The following MTARC2 variants were observed in gnomAD, a reference collection of about 807,000 sequenced individuals.
MTARC2 encodes the protein MOCO sulphurase C-terminal domain containing 2.
A neutral mutation model predicts 35.6 loss-of-function variants in MTARC2; 27 were observed. The observed-to-expected ratio is 0.76, with a 90% CI of 0.56 to 1.04. The LOEUF is 1.04. Among genes scored for constraint, MTARC2 ranks in the 50% least tolerant of loss-of-function variants. The pLI is 0.00. For synonymous variants in MTARC2, 158 were observed against 167.1 expected (o/e 0.95, Z 0.42); for missense variants, 412 against 432.5 (o/e 0.95, Z 0.42).
At chr1:220,774,086 G>T (rs1218729520) in intron 4 of MTARC2, among the ~76,000 whole-genome samples, 6 of 144,080 alleles carry the variant, frequency 4.2e-5, no homozygotes, top group African/African-American at 7.8e-5. Flanking sequence ...TTTTTTTTCA[G>T]ACAGGGTCTC....
In MTARC2 at chr1:220,748,440, C is replaced by A. The variant is rs1182982386; in HGVS notation, c.-92C>A. On this transcript the variant is annotated 5_prime_UTR_variant, in exon 1 of 8. Coordinates refer to ENST00000366913, the MANE Select transcript of MTARC2 (RefSeq NM_017898.5). ...TAGTTGGGTCAACTTTGACTCCTCT[C>A]GCCTGCCCGGATCCTTAAGGGCCTC... is the stretch of plus-strand genomic sequence containing the variant. The A allele has an allele frequency of 1.6e-6, 2 of 1,266,668 alleles. No individual in the cohort carries two copies. Among genetic ancestry groups the A allele is most frequent in the Non-Finnish European group, 2.0e-6 (2 of 996,938 alleles). The allele number at this position is 1,266,668 out of a possible 1,614,324, so 78.5% of individuals were successfully genotyped here. A position where few individuals can be genotyped will look rare whatever the true frequency, so the allele number is the denominator to read the frequency against.
intron 4 of MTARC2, among the ~76,000 whole-genome samples, chr1:220,777,488 T>C (rs1455843099): frequency 1.3e-5 from 2 of 152,192 alleles, no homozygotes; most frequent in Non-Finnish European, 2.9e-5. Flanking sequence ...AGACCTCTTA[T>C]GCCTCCTGCC....
At chr1:220,749,427 CTTTTTT>C (rs60380640) in intron 1 of MTARC2, among the ~76,000 whole-genome samples, 2 of 98,702 alleles carry the variant, frequency 2.0e-5, no homozygotes, top group African/African-American at 4.1e-5. Flanking sequence ...ATGCCTTCTT[CTTTTTT>C]TTTTTTTTTT....
chr1:220,772,345 A>T (rs1435843462), intron 4 of MTARC2, among the ~76,000 whole-genome samples: 2 of 152,220 alleles, frequency 1.3e-5, no homozygotes, highest in African/African-American at 4.8e-5. Context: ...AGGTGAGCAT[A>T]AGCGTGCCCT....
At chr1:220,781,751 T>C in intron 6 of MTARC2, 27 bp from the exon 7 acceptor site, 8 of 1,612,870 alleles carry the variant, frequency 5.0e-6, no homozygotes, top group Non-Finnish European at 6.8e-6. Flanking sequence ...TTTTTGTGTC[T>C]GATGATTGAA....
At chr1:220,763,119 C>T (rs1671485453) in intron 4 of MTARC2, 69 bp downstream of exon 4, 1 of 1,605,900 alleles carries the variant, frequency 6.2e-7, no homozygotes. Flanking sequence ...GAACTCTGCT[C>T]TAGCCAGAGC....
rs1436092432 is a variant in MTARC2 at position 220,762,891 on chromosome 1, A to G, written c.610-19A>G. ...TTTTGTGGAGTGGTGGGGCCTGACT[A>G]TCCTGTGTTCTTGGCAAGGTGGCCT... is the stretch of plus-strand genomic sequence containing the variant. On this transcript the variant is annotated intron_variant, in intron 3 of 7. Coordinates refer to ENST00000366913, the MANE Select transcript of MTARC2 (RefSeq NM_017898.5). The G allele has an allele frequency of 3.1e-6, 5 of 1,613,686 alleles. No individual in the cohort carries two copies. Among genetic ancestry groups the G allele is most frequent in the Non-Finnish European group, 4.2e-6 (5 of 1,179,888 alleles).
chr1:220,748,471 C>G lies in MTARC2; in HGVS notation c.-61C>G, dbSNP rs192684044. 1,925 of 1,343,894 alleles carry G rather than the reference C, an allele frequency of 1.4e-3. 1 individual carries two copies. Among genetic ancestry groups the G allele is most frequent in the Non-Finnish European group, 1.6e-3 (1,712 of 1,055,508 alleles). The allele number at this position is 1,343,894 out of a possible 1,614,324, so 83.2% of individuals were successfully genotyped here. Reference sequence around the variant, plus strand: ...CCCGGATCCTTAAGGGCCTCCTCGTCCTCCCGGTCTCCGGTCGCTGCCGGG... The same window carrying G: ...CCCGGATCCTTAAGGGCCTCCTCGTGCTCCCGGTCTCCGGTCGCTGCCGGG... On this transcript the variant is annotated 5_prime_UTR_variant, in exon 1 of 8. Transcript: ENST00000366913.
At chr1:220,758,505 C>T (rs932236676) in intron 2 of MTARC2, among the ~76,000 whole-genome samples, 14 of 150,340 alleles carry the variant, frequency 9.3e-5, no homozygotes, top group African/African-American at 3.4e-4. Context: ...CTGCAACCTC[C>T]ATCTCCCAGG....
Position 220,748,331 on chromosome 1 carries a change from G to A in MTARC2, c.-201G>A. 2.1e-6 allele frequency: 1 copy of A among 483,264 alleles called. No individual in the cohort carries two copies. The highest frequency in any genetic ancestry group is 8.4e-5 in the South Asian group (1 of 11,870). 29.9% of individuals were successfully genotyped at this position (483,264 alleles called of 1,614,324 possible). ...TCTGCCTGTCTTCCTCCATTACCGCGCAGGCTTGGTCACCGCATTAAGGCA... is the reference window on the plus strand; with the variant it reads ...TCTGCCTGTCTTCCTCCATTACCGCACAGGCTTGGTCACCGCATTAAGGCA... On this transcript the variant is annotated 5_prime_UTR_variant, in exon 1 of 8. Transcript: ENST00000366913.
chr1:220,772,972 T>C (rs1415071244), intron 4 of MTARC2, among the ~76,000 whole-genome samples: 1 of 152,180 alleles, frequency 6.6e-6, no homozygotes. Flanking sequence ...CCCTTGGAAT[T>C]TCCCGAGTGA....
rs752741674 is a variant in MTARC2, at chr1:220,780,161, A to G, written c.813-7A>G. On this transcript the variant is annotated splice_region_variant and splice_polypyrimidine_tract_variant and intron_variant, in intron 5 of 7. Transcript: ENST00000366913. ...GCATCACCTAACCCTTGGTTACTGCATAACAGGTGTATTTTGACAACGGTG... is the reference window on the plus strand; with the variant it reads ...GCATCACCTAACCCTTGGTTACTGCGTAACAGGTGTATTTTGACAACGGTG... 2 of 1,613,020 alleles carry G rather than the reference A, an allele frequency of 1.2e-6. No individual in the cohort carries two copies. Among genetic ancestry groups the G allele is most frequent in the Non-Finnish European group, 1.7e-6 (2 of 1,179,574 alleles).
intron 4 of MTARC2, among the ~76,000 whole-genome samples, chr1:220,763,798 TC>T (rs756254066): frequency 5.3e-5 from 8 of 152,242 alleles, no homozygotes; most frequent in Non-Finnish European, 1.2e-4. Flanking sequence ...AATAATCATT[TC>T]AGATAAATTA....
At position 220,748,377 on chromosome 1, in the gene MTARC2, G is replaced by C. The variant is rs1671033023; in HGVS notation, c.-155G>C. On this transcript the variant is annotated 5_prime_UTR_variant, in exon 1 of 8. Transcript: ENST00000366913. ...AGGCATTCCCGCTCTCCGCGGAACT[G>C]CTCTGCCGTCTCGGCGGTGAAAGTG... 1 of 743,434 alleles carries C rather than the reference G, an allele frequency of 1.3e-6. No homozygotes were observed. The highest frequency in any genetic ancestry group is 1.9e-6 in the Non-Finnish European group (1 of 532,712). The allele number at this position is 743,434 out of a possible 1,614,324, so 46.1% of individuals were successfully genotyped here. A position where few individuals can be genotyped will look rare whatever the true frequency, so the allele number is the denominator to read the frequency against.
rs1215258424 is a variant in MTARC2 at position 220,784,084 on chromosome 1, G to A, written c.*197G>A. ...CCAGGTTAATGCAAGGAAAGTATTA[G>A]AGGGGGGAATATGAAAGTATATATA... On this transcript the variant is annotated 3_prime_UTR_variant, in exon 8 of 8. Transcript: ENST00000366913. 3.2e-6 allele frequency: 2 copies of A among 628,212 alleles called. No homozygotes were observed. The highest frequency in any genetic ancestry group is 2.7e-5 in the Admixed American group (1 of 36,420). 38.9% of individuals were successfully genotyped at this position (628,212 alleles called of 1,614,324 possible). A position where few individuals can be genotyped will look rare whatever the true frequency, so the allele number is the denominator to read the frequency against.
intron 1 of MTARC2, among the ~76,000 whole-genome samples, chr1:220,753,233 A>G (rs554467192): frequency 6.6e-6 from 1 of 152,022 alleles, no homozygotes; most frequent in Non-Finnish European, 1.5e-5. Context: ...GTCTCAGAAA[A>G]AAAGAAAAAA....
At chr1:220,761,963 C>T in intron 3 of MTARC2, 143 bp downstream of exon 3, 1 of 820,136 alleles carries the variant, frequency 1.2e-6, no homozygotes, top group Non-Finnish European at 1.9e-6. Flanking sequence ...GAGGGCACAG[C>T]CTAGGCAGAG....
intron 6 of MTARC2, among the ~76,000 whole-genome samples, chr1:220,781,371 A>G (rs946141216): frequency 8.5e-5 from 13 of 152,344 alleles, no homozygotes; most frequent in African/African-American, 2.6e-4. Flanking sequence ...CTTTGGGCTC[A>G]TAAACCTGGA....
chr1:220,767,069 T>C (rs337147), intron 4 of MTARC2, among the ~76,000 whole-genome samples: 54,211 of 151,840 alleles, frequency 0.36, 12,189 homozygotes, highest in East Asian at 0.75. Context: ...TTTATTCCTG[T>C]GCTATGATGG....
Sources: gnomAD v4.1 joint callset for allele counts (sites outside exome capture counted in the v4.1 genomes callset) on GRCh38, gnomAD v4.1.1 for gene constraint, MANE v1.5 for transcripts, NCBI Gene and HGNC (gene_info 2026-07-23, HGNC 2026-07-21) for gene names.